NATD1: variants seen among roughly 807,000 people sequenced by gnomAD.
NATD1 encodes protein NATD1.
A neutral mutation model predicts 12.0 loss-of-function variants in NATD1; 9 were observed. That is an observed-to-expected ratio of 0.75 (90% CI 0.45 to 1.30). The LOEUF is 1.30. NATD1 is among the 50% of genes most tolerant of loss of function. NATD1 has a pLI of 0.00. For missense variants in NATD1, 148 were observed against 148.5 expected (o/e 1.00, Z 0.02); for synonymous variants, 71 against 65.9 (o/e 1.08, Z -0.37).
chr17:21,243,238 C>T lies in NATD1; in HGVS notation c.*75G>A. ...AGTCTGTTCCCAGTGGGACCAGGTT[C>T]CTGAGAGCACGTGGGGCCAGGCAAA... On this transcript the variant is annotated 3_prime_UTR_variant, in exon 3 of 3. Transcript: ENST00000611551. 8.4e-7 allele frequency: 1 copy of T among 1,184,052 alleles called. No individual in the cohort carries two copies. The highest frequency in any genetic ancestry group is 1.2e-6 in the Non-Finnish European group (1 of 821,574). The allele number at this position is 1,184,052 out of a possible 1,614,324, so 73.3% of individuals were successfully genotyped here.
chr17:21,253,254 G>A lies in NATD1; in HGVS notation c.11C>T (p.Ser4Leu). The A allele has an allele frequency of 2.0e-6, 2 of 995,852 alleles. No homozygotes were observed. Among genetic ancestry groups the A allele is most frequent in the Non-Finnish European group, 2.4e-6 (2 of 838,208 alleles). 61.7% of individuals were successfully genotyped at this position (995,852 alleles called of 1,614,324 possible). ...CGCGCCCAGCGGCACGGCGGCAGCCGAGTGCGCCATCTGCGCGCGGGGCTG... is the reference window on the plus strand; with the variant it reads ...CGCGCCCAGCGGCACGGCGGCAGCCAAGTGCGCCATCTGCGCGCGGGGCTG... Reference protein sequence around the residue: MAHSAAAVPLGALE... With the variant: MAHLAAAVPLGALE... Residue 4 changes from serine to leucine, a missense_variant, in exon 1 of 3, where the codon TCG (serine) becomes TTG (leucine). Coordinates refer to ENST00000611551, the MANE Select transcript of NATD1 (RefSeq NM_152914.3).
intron 1 of NATD1, among the ~76,000 whole-genome samples, chr17:21,251,048 C>G (rs1293315247): frequency 6.6e-6 from 1 of 152,150 alleles, no homozygotes; most frequent in East Asian, 1.9e-4. Context: ...CCAGTGGGGC[C>G]TGGAAGCCCA....
rs1009623470 is a variant in NATD1, at chr17:21,240,275, G to T, written c.*3038C>A. On this transcript the variant is annotated 3_prime_UTR_variant, in exon 3 of 3. Transcript: ENST00000611551. ...ACTGTTATCCTGCAGGGAGACCTCA[G>T]CCAAGCCCCAGTGACACGCAGGGTC... 2.0e-5 allele frequency: 3 copies of T among 152,244 alleles called. No homozygotes were observed. Among genetic ancestry groups the T allele is most frequent in the Admixed American group, 2.0e-4 (3 of 15,280 alleles). The allele number at this position is 152,244 out of a possible 1,614,324, so 9.4% of individuals were successfully genotyped here. A position where few individuals can be genotyped will look rare whatever the true frequency, so the allele number is the denominator to read the frequency against.
chr17:21,251,639 T>C (rs1975377712), intron 1 of NATD1, among the ~76,000 whole-genome samples: 1 of 152,220 alleles, frequency 6.6e-6, no homozygotes, highest in Non-Finnish European at 1.5e-5. Context: ...GTCAGGGTAT[T>C]GTGACAGTCC....
chr17:21,252,135 A>G (rs1358375885), intron 1 of NATD1, among the ~76,000 whole-genome samples: 1 of 152,170 alleles, frequency 6.6e-6, no homozygotes, highest in Non-Finnish European at 1.5e-5. Context: ...ACATGGTGAA[A>G]GCCTGTCTCT....
In NATD1 at chr17:21,252,749, A is replaced by G. The variant is rs567752078; in HGVS notation, c.106+410T>C. On this transcript the variant is annotated intron_variant, in intron 1 of 2. Transcript: ENST00000611551. ...TGACCAACTTTCCAGGATCTCAAAC[A>G]GGAGCCTTCAGTGGGTGCCCAACAG... is the stretch of plus-strand genomic sequence containing the variant. Among the ~76,000 whole-genome samples, 298 of 152,180 alleles carry G rather than the reference A, an allele frequency of 2.0e-3. 2 individuals carry two copies. Among genetic ancestry groups the G allele is most frequent in the Non-Finnish European group, 3.4e-3 (229 of 67,958 alleles).
At chr17:21,249,282 C>T (rs1975354840) in intron 1 of NATD1, among the ~76,000 whole-genome samples, 3 of 152,206 alleles carry the variant, frequency 2.0e-5, no homozygotes, top group Non-Finnish European at 4.4e-5. Context: ...AGAGCTGTGG[C>T]ACGGGACAAG....
In NATD1 at chr17:21,242,056, T is replaced by G. The variant is rs1025840635; in HGVS notation, c.*1257A>C. 6.6e-6 allele frequency: 1 copy of G among 152,458 alleles called. No individual in the cohort carries two copies. Among genetic ancestry groups the G allele is most frequent in the African/African-American group, 2.4e-5 (1 of 41,422 alleles). The allele number at this position is 152,458 out of a possible 1,614,324, so 9.4% of individuals were successfully genotyped here. ...GACTCCCCCCGAAGCCGGGTAGGGA[T>G]GCATCACTCCGACTAACAAATGTCT... On this transcript the variant is annotated 3_prime_UTR_variant, in exon 3 of 3. Transcript: ENST00000611551.
rs776911900 is a variant in NATD1 at position 21,244,254 on chromosome 17, G to A, written c.107-30C>T. On this transcript the variant is annotated intron_variant, in intron 1 of 2. Transcript: ENST00000611551. This position sits in a 1 kb window ranked among gnomAD's most constrained non-coding sequence, Gnocchi z 5.2. ...GGGTTGTGGAGACAGGTAAGCCTAT[G>A]CTGACTCCCATCCCAGCGGACTCAG... 5.7e-6 allele frequency: 9 copies of A among 1,581,784 alleles called. No individual in the cohort carries two copies. In the South Asian group the frequency reaches 9.0e-5, roughly 16 times the overall value.
At chr17:21,251,195 G>A (rs1373340124) in intron 1 of NATD1, among the ~76,000 whole-genome samples, 1 of 151,922 alleles carries the variant, frequency 6.6e-6, no homozygotes, top group Non-Finnish European at 1.5e-5. Flanking sequence ...TCCAGAAGGG[G>A]GTAAGTTTAG....
At chr17:21,251,094 T>C (rs2144369497) in intron 1 of NATD1, among the ~76,000 whole-genome samples, 1 of 152,134 alleles carries the variant, frequency 6.6e-6, no homozygotes, top group Middle Eastern at 3.4e-3. Flanking sequence ...GCCACTCCCT[T>C]GGGGGCCTCT....
intron 1 of NATD1, 38 bp downstream of exon 1, chr17:21,253,121 C>A: frequency 1.0e-6 from 1 of 986,288 alleles, no homozygotes; most frequent in South Asian, 4.5e-5. Flanking sequence ...CCCGCTCGCT[C>A]GCAGACAAAA....
At chr17:21,247,298 G>A (rs1241462622) in intron 1 of NATD1, among the ~76,000 whole-genome samples, 4 of 152,214 alleles carry the variant, frequency 2.6e-5, no homozygotes, top group Admixed American at 6.5e-5. Context: ...CACACACTAG[G>A]GCCTTGTGGC....
At chr17:21,246,703 A>G (rs1975328163) in intron 1 of NATD1, among the ~76,000 whole-genome samples, 1 of 151,926 alleles carries the variant, frequency 6.6e-6, no homozygotes, top group Non-Finnish European at 1.5e-5. Context: ...AAATACATAC[A>G]TCACAGAGGC....
In NATD1 at chr17:21,243,296, C is replaced by T. The variant is rs1975294507; in HGVS notation, c.*17G>A. On this transcript the variant is annotated 3_prime_UTR_variant, in exon 3 of 3. Coordinates refer to ENST00000611551, the MANE Select transcript of NATD1 (RefSeq NM_152914.3). ...TGGAAGAGTCCGGCAGGGAGCGCTCCCGCCTGCAGGCCAGGGTTACGGCTG... is the reference window on the plus strand; with the variant it reads ...TGGAAGAGTCCGGCAGGGAGCGCTCTCGCCTGCAGGCCAGGGTTACGGCTG... The T allele has an allele frequency of 1.2e-6, 2 of 1,606,148 alleles. No homozygotes were observed. The highest frequency in any genetic ancestry group is 2.2e-5 in the East Asian group (1 of 44,846).
intron 2 of NATD1, among the ~76,000 whole-genome samples, 176 bp from the exon 3 acceptor site, chr17:21,243,605 CA>C (rs1406710262): frequency 1.3e-5 from 2 of 152,076 alleles, no homozygotes; most frequent in Admixed American, 1.3e-4. Flanking sequence ...GTCCGGTACA[CA>C]AGGAAAAAAC....
intron 1 of NATD1, among the ~76,000 whole-genome samples, chr17:21,248,785 G>T (rs1975350224): frequency 6.6e-6 from 1 of 152,190 alleles, no homozygotes; most frequent in South Asian, 2.1e-4. Context: ...GGGAGCCACA[G>T]GAGCAAGCCT....
Position 21,244,962 on chromosome 17 carries a change from G to A in NATD1, c.107-738C>T, listed in dbSNP as rs1285412265. 6.6e-6 allele frequency among the ~76,000 whole-genome samples: 1 copy of A among 152,156 alleles called. No individual in the cohort carries two copies. Among genetic ancestry groups the A allele is most frequent in the Non-Finnish European group, 1.5e-5 (1 of 68,022 alleles). ...CCATCCACTTATCCATCCACCAAATGTTTCCTGAGCCCCAGGTACTGTTTC... is the reference window on the plus strand; with the variant it reads ...CCATCCACTTATCCATCCACCAAATATTTCCTGAGCCCCAGGTACTGTTTC... On this transcript the variant is annotated intron_variant, in intron 1 of 2. Coordinates refer to ENST00000611551, the MANE Select transcript of NATD1 (RefSeq NM_152914.3). This position sits in a 1 kb window ranked among gnomAD's most constrained non-coding sequence, Gnocchi z 5.2.
Position 21,243,287 on chromosome 17 carries a change from G to A in NATD1, c.*26C>T, listed in dbSNP as rs1384994677. The stretch of plus-strand genomic sequence containing the variant: ...AAGGCCACGTGGAAGAGTCCGGCAG[G>A]GAGCGCTCCCGCCTGCAGGCCAGGG... On this transcript the variant is annotated 3_prime_UTR_variant, in exon 3 of 3. Transcript: ENST00000611551. 1 of 1,597,084 alleles carries A rather than the reference G, an allele frequency of 6.3e-7. No homozygotes were observed. Among genetic ancestry groups the A allele is most frequent in the African/African-American group, 1.3e-5 (1 of 74,618 alleles).
Sources: gnomAD v4.1 joint callset for allele counts (sites outside exome capture counted in the v4.1 genomes callset) on GRCh38, gnomAD v4.1.1 for gene constraint, Gnocchi (gnomAD v3.1) non-coding constraint, MANE v1.5 for transcripts, NCBI Gene and HGNC (gene_info 2026-07-23, HGNC 2026-07-21) for gene names.